ATRNL1: variants seen among roughly 807,000 people sequenced by gnomAD.
The protein encoded by ATRNL1 is attractin like 1.
ATRNL1 carries 95 observed loss-of-function variants against 182.7 expected under a neutral mutation model. That is an observed-to-expected ratio of 0.52 (90% CI 0.44 to 0.62). The LOEUF (loss-of-function observed/expected upper bound fraction) is 0.62. Among genes scored for constraint, ATRNL1 ranks in the 20% least tolerant of loss-of-function variants. The pLI is 0.00. For synonymous variants in ATRNL1, 576 were observed against 568.3 expected, an observed-to-expected ratio of 1.01 and a Z score of -0.19; for missense variants, 1,471 against 1,679.5, an observed-to-expected ratio of 0.88 and a Z score of 2.17.
At chr10:115,673,762 C>T (rs1210258553) in intron 26 of ATRNL1, among the ~76,000 whole-genome samples, 1 of 151,912 alleles carries the variant, frequency 6.6e-6, no homozygotes, top group Admixed American at 6.6e-5. Context: ...AGTCTTATTC[C>T]CCTCTTTTTG....
chr10:115,151,978 C>T (rs1396477450), intron 5 of ATRNL1, among the ~76,000 whole-genome samples: 2 of 152,164 alleles, frequency 1.3e-5, no homozygotes, highest in African/African-American at 4.8e-5. Context: ...GGAATCCTTT[C>T]CCCATTAATT....
At chr10:115,839,778 C>G (rs1950761433) in intron 27 of ATRNL1, among the ~76,000 whole-genome samples, 1 of 152,136 alleles carries the variant, frequency 6.6e-6, no homozygotes, top group African/African-American at 2.4e-5. Context: ...GGTACTGTGC[C>G]TATGTAGCAC....
chr10:115,615,892 G>A (rs1284741504), intron 26 of ATRNL1, among the ~76,000 whole-genome samples: 1 of 152,048 alleles, frequency 6.6e-6, no homozygotes, highest in African/African-American at 2.4e-5. Context: ...ATGCGAGAAT[G>A]GACTAATATA....
chr10:115,325,297 A>T (rs1054785395), intron 18 of ATRNL1, among the ~76,000 whole-genome samples: 3 of 152,140 alleles, frequency 2.0e-5, no homozygotes. Context: ...TCAAGCAACA[A>T]TGTAAACCTC....
At chr10:115,567,046 T>C (rs1854115071) in intron 26 of ATRNL1, among the ~76,000 whole-genome samples, 1 of 152,188 alleles carries the variant, frequency 6.6e-6, no homozygotes, top group Admixed American at 6.6e-5. Flanking sequence ...ACAATGAGTA[T>C]TTGTCAAGAG....
intron 26 of ATRNL1, among the ~76,000 whole-genome samples, chr10:115,596,207 G>T (rs1363990948): frequency 2.6e-5 from 4 of 152,066 alleles, no homozygotes; most frequent in Admixed American, 2.6e-4. Context: ...CTGGGTTCAA[G>T]CGATTCTCCT....
intron 25 of ATRNL1, among the ~76,000 whole-genome samples, chr10:115,541,096 CG>C (rs2060647096): frequency 1.3e-5 from 2 of 152,062 alleles, no homozygotes; most frequent in South Asian, 4.1e-4. Flanking sequence ...TTTTTCTTAT[CG>C]AAAGACACCA....
intron 26 of ATRNL1, among the ~76,000 whole-genome samples, chr10:115,683,295 C>T (rs1454013892): frequency 1.3e-5 from 2 of 151,858 alleles, no homozygotes; most frequent in Non-Finnish European, 2.9e-5. Context: ...CTCTGAGCTT[C>T]CTAGAAGACC....
At chr10:115,358,670 A>G (rs932489531) in intron 19 of ATRNL1, among the ~76,000 whole-genome samples, 31 of 151,790 alleles carry the variant, frequency 2.0e-4, no homozygotes, top group African/African-American at 7.5e-4. Flanking sequence ...TAAACCAAGG[A>G]CATAAGCCTA....
At chr10:115,174,285 G>C (rs1847409651) in intron 8 of ATRNL1, among the ~76,000 whole-genome samples, 1 of 150,796 alleles carries the variant, frequency 6.6e-6, no homozygotes, top group African/African-American at 2.4e-5. Flanking sequence ...TTTTCCTTTT[G>C]TTTTCTATTT....
chr10:115,849,785 G>A (rs1206745501), intron 28 of ATRNL1, among the ~76,000 whole-genome samples: 2 of 152,102 alleles, frequency 1.3e-5, no homozygotes, highest in Admixed American at 1.3e-4. Context: ...CTAGAGTATA[G>A]AGCAAAAGAA....
intron 13 of ATRNL1, among the ~76,000 whole-genome samples, chr10:115,279,551 T>C (rs1442056038): frequency 1.3e-5 from 2 of 152,184 alleles, no homozygotes; most frequent in African/African-American, 4.8e-5. Flanking sequence ...AAAACAACTT[T>C]AGCAAGAGAA....
intron 26 of ATRNL1, among the ~76,000 whole-genome samples, chr10:115,588,805 G>C (rs1286593822): frequency 6.6e-6 from 1 of 152,168 alleles, no homozygotes; most frequent in African/African-American, 2.4e-5. Context: ...TGTTTATTTA[G>C]TGCATCTATG....
intron 14 of ATRNL1, among the ~76,000 whole-genome samples, chr10:115,282,407 C>G (rs371403004): frequency 1.3e-4 from 20 of 151,278 alleles, no homozygotes; most frequent in African/African-American, 4.1e-4. Flanking sequence ...ATCCCTCCCC[C>G]CTCTCCCCAC....
chr10:115,527,022 A>T (rs1374496844), intron 25 of ATRNL1, among the ~76,000 whole-genome samples: 1 of 151,876 alleles, frequency 6.6e-6, no homozygotes, highest in Non-Finnish European at 1.5e-5. Flanking sequence ...CTTGGGAAGC[A>T]TGGGCTCAGT....
At chr10:115,255,792 A>C (rs1554906701) in intron 10 of ATRNL1, among the ~76,000 whole-genome samples, 1 of 152,122 alleles carries the variant, frequency 6.6e-6, no homozygotes, top group Non-Finnish European at 1.5e-5. Flanking sequence ...AATAGCTCTT[A>C]TTATTTTGAG....
chr10:115,598,381 T>A (rs1286956071), intron 26 of ATRNL1, among the ~76,000 whole-genome samples: 2 of 35,288 alleles, frequency 5.7e-5, no homozygotes, highest in East Asian at 5.6e-4. Flanking sequence ...TTATTTATTT[T>A]GAGACGGAAT....
At chr10:115,896,942 C>T (rs182834688) in intron 28 of ATRNL1, among the ~76,000 whole-genome samples, 197 of 152,192 alleles carry the variant, frequency 1.3e-3, no homozygotes, top group Middle Eastern at 3.4e-3. Flanking sequence ...AAAGACTAAT[C>T]GCTGGTGACT....
At chr10:115,598,303 CT>C (rs1856383115) in intron 26 of ATRNL1, among the ~76,000 whole-genome samples, 1 of 149,886 alleles carries the variant, frequency 6.7e-6, no homozygotes, top group Non-Finnish European at 1.5e-5. Context: ...AAATTTACTA[CT>C]TTGGAAATTT....
Sources: allele counts gnomAD v4.1 joint callset (sites outside exome capture counted in the v4.1 genomes callset), GRCh38; gene constraint gnomAD v4.1.1; transcripts MANE v1.5; gene names NCBI Gene and HGNC (gene_info 2026-07-23, HGNC 2026-07-21).